The following BMPR1B variants were observed in gnomAD, a reference collection of about 807,000 sequenced individuals.
BMPR1B encodes the protein bone morphogenetic protein receptor type-1B.
In BMPR1B, 12 loss-of-function variants were observed where a neutral mutation model predicts 59.1. That is an observed-to-expected ratio of 0.20 (90% CI 0.13 to 0.33). The LOEUF (loss-of-function observed/expected upper bound fraction) is 0.33, where lower values mean the gene tolerates loss of function less well. Ranked by LOEUF, BMPR1B falls within the 10% of genes least tolerant of loss-of-function variation. BMPR1B has a pLI of 1.00. For synonymous variants in BMPR1B, 237 were observed against 207.3 expected (o/e 1.14, Z -1.23); for missense variants, 550 against 610.9 (o/e 0.90, Z 1.05).
chr4:95,036,816 A>G (rs560481281), intron 3 of BMPR1B, among the ~76,000 whole-genome samples: 1 of 149,076 alleles, frequency 6.7e-6, no homozygotes, highest in African/African-American at 2.5e-5. Context: ...TAGTGGTTGT[A>G]GTAATTTACA....
At position 94,951,039 on chromosome 4, in the gene BMPR1B, A is replaced by G. The variant is rs562576518; in HGVS notation, c.-112-45001A>G. On this transcript the variant is annotated intron_variant, in intron 2 of 12. Coordinates refer to ENST00000515059, the MANE Select transcript of BMPR1B (RefSeq NM_001203.3). ...TTCCTAGGTATTTTATTCCCTTTGT[A>G]GCAATTGTGAATGGGAGTTTGCCCA... Among the ~76,000 whole-genome samples, 7 of 152,230 alleles carry G rather than the reference A, an allele frequency of 4.6e-5. No homozygotes were observed. In the East Asian group the frequency reaches 9.7e-4, roughly 21 times the overall value.
At chr4:95,099,854 A>T (rs890196701) in intron 3 of BMPR1B, among the ~76,000 whole-genome samples, 2 of 152,042 alleles carry the variant, frequency 1.3e-5, no homozygotes, top group African/African-American at 4.8e-5. Context: ...GGATTTAGTT[A>T]TTTTTTCTCA....
intron 1 of BMPR1B, among the ~76,000 whole-genome samples, chr4:94,833,718 G>T (rs990817369): frequency 1.3e-5 from 2 of 152,124 alleles, no homozygotes; most frequent in Admixed American, 6.5e-5. Context: ...TGGGTTATTT[G>T]TTTTCTTTCC....
At chr4:94,946,585 G>A (rs1729717584) in intron 2 of BMPR1B, among the ~76,000 whole-genome samples, 1 of 152,162 alleles carries the variant, frequency 6.6e-6, no homozygotes, top group Non-Finnish European at 1.5e-5. Flanking sequence ...CTTAATACCT[G>A]TTTGCCAAGA....
chr4:95,023,517 G>T (rs536675901), intron 3 of BMPR1B, among the ~76,000 whole-genome samples: 2 of 151,528 alleles, frequency 1.3e-5, no homozygotes, highest in South Asian at 2.1e-4. Context: ...AAATAACTGG[G>T]ACCACAAGCA....
intron 1 of BMPR1B, among the ~76,000 whole-genome samples, chr4:94,766,972 G>A (rs566833917): frequency 3.6e-4 from 54 of 152,058 alleles, no homozygotes; most frequent in Admixed American, 1.2e-3. Flanking sequence ...AAGTATTCTC[G>A]GAAATTGGAA....
intron 3 of BMPR1B, among the ~76,000 whole-genome samples, chr4:95,018,433 T>TG (rs1242416690): frequency 1.3e-5 from 2 of 152,180 alleles, no homozygotes; most frequent in Non-Finnish European, 2.9e-5. Context: ...AAGTTAATAT[T>TG]GCTCTAGCCC....
chr4:94,804,528 T>A (rs1578663063), intron 1 of BMPR1B, among the ~76,000 whole-genome samples: 1 of 151,706 alleles, frequency 6.6e-6, no homozygotes, highest in Admixed American at 6.6e-5. Flanking sequence ...AGTTAGAGCC[T>A]ACAACCAAAG....
intron 3 of BMPR1B, among the ~76,000 whole-genome samples, chr4:95,005,694 G>A (rs946174776): frequency 2.6e-5 from 4 of 151,652 alleles, no homozygotes; most frequent in African/African-American, 7.3e-5. Flanking sequence ...GCAAGTTTCT[G>A]TTATACCAAG....
intron 2 of BMPR1B, among the ~76,000 whole-genome samples, chr4:94,880,235 G>T (rs1164734543): frequency 1.3e-5 from 2 of 152,110 alleles, no homozygotes; most frequent in African/African-American, 4.8e-5. Context: ...TCAGAGTACT[G>T]TACTTCTAAC....
At chr4:94,798,971 A>G (rs1328444474) in intron 1 of BMPR1B, among the ~76,000 whole-genome samples, 1 of 151,900 alleles carries the variant, frequency 6.6e-6, no homozygotes, top group Non-Finnish European at 1.5e-5. Context: ...ATACTTGGCT[A>G]AATATGAGTC....
intron 7 of BMPR1B, among the ~76,000 whole-genome samples, chr4:95,124,333 TATTAA>T: frequency 6.6e-6 from 1 of 152,160 alleles, no homozygotes; most frequent in South Asian, 2.1e-4. Context: ...TCCTTTATTA[TATTAA>T]ATTCGGTAAT....
rs529736937 is a variant in BMPR1B at position 94,861,084 on chromosome 4, C to T, written c.-182-14747C>T. On this transcript the variant is annotated intron_variant, in intron 1 of 12. Transcript: ENST00000515059. ...TCATATATGTGTCTATCTCTTTTGC[C>T]TGGGTCTTGAGAGTTATAGTCTTGA... Among the ~76,000 whole-genome samples the T allele has an allele frequency of 5.9e-5, 9 of 151,790 alleles. No homozygotes were observed. The South Asian group carries it at 1.3e-3, about 21-fold the overall frequency.
chr4:95,065,362 T>A (rs182195217), intron 3 of BMPR1B, among the ~76,000 whole-genome samples: 1 of 152,178 alleles, frequency 6.6e-6, no homozygotes, highest in Non-Finnish European at 1.5e-5. Flanking sequence ...TCTAAAATTA[T>A]GTCATTTGAT....
intron 6 of BMPR1B, among the ~76,000 whole-genome samples, chr4:95,117,248 A>G (rs1215365742): frequency 1.3e-5 from 2 of 152,206 alleles, no homozygotes; most frequent in Non-Finnish European, 2.9e-5. Flanking sequence ...ACATTAATTA[A>G]TCCATTTTAG....
At chr4:95,144,478 CTTT>C (rs33917101) in intron 10 of BMPR1B, among the ~76,000 whole-genome samples, 75,877 of 149,556 alleles carry the variant, frequency 0.51, 19,886 homozygotes, top group Middle Eastern at 0.64. Context: ...CACACCAGGC[CTTT>C]TTTTTTTTTA....
intron 1 of BMPR1B, among the ~76,000 whole-genome samples, chr4:94,867,580 G>C (rs1726297476): frequency 2.0e-5 from 3 of 152,124 alleles, no homozygotes; most frequent in South Asian, 4.2e-4. Context: ...TAGTTTCCCT[G>C]CCTGTCTCTC....
At chr4:94,986,419 T>C (rs1489645987) in intron 2 of BMPR1B, among the ~76,000 whole-genome samples, 1 of 152,214 alleles carries the variant, frequency 6.6e-6, no homozygotes, top group African/African-American at 2.4e-5. Flanking sequence ...CGTAAAGTTT[T>C]CAAAAACCAA....
chr4:95,146,873 A>C (rs952625885), intron 10 of BMPR1B, among the ~76,000 whole-genome samples: 6 of 152,190 alleles, frequency 3.9e-5, no homozygotes, highest in Non-Finnish European at 5.9e-5. Flanking sequence ...ACATGTTTCC[A>C]GTTTACCATT....
Sources: gnomAD v4.1 joint callset for allele counts (sites outside exome capture counted in the v4.1 genomes callset) on GRCh38, gnomAD v4.1.1 for gene constraint, MANE v1.5 for transcripts, NCBI Gene and HGNC (gene_info 2026-07-23, HGNC 2026-07-21) for gene names.